Variants in STK24 observed in about 807,000 individuals in gnomAD.
STK24 encodes the protein serine/threonine kinase 24, also known as serine/threonine-protein kinase 24.
STK24 carries 21 observed loss-of-function variants against 55.6 expected under a neutral mutation model. The observed-to-expected ratio is 0.38, with a 90% CI of 0.27 to 0.54. The LOEUF (loss-of-function observed/expected upper bound fraction) is 0.54, where lower values mean the gene tolerates loss of function less well. STK24 is among the 20% of genes least tolerant of loss of function. The probability of loss-of-function intolerance (pLI) is 0.79; values close to 1 mark genes in which losing one functional copy is unlikely to be tolerated. For synonymous variants in STK24, 200 were observed against 215.2 expected (o/e 0.93, Z 0.62); for missense variants, 383 against 538.4 (o/e 0.71, Z 2.86).
At chr13:98,481,783 C>T (rs528449395) in intron 3 of STK24, among the ~76,000 whole-genome samples, 1 of 152,252 alleles carries the variant, frequency 6.6e-6, no homozygotes, top group Non-Finnish European at 1.5e-5. Flanking sequence ...AGCCACCGCA[C>T]CTGGCCTATA....
In STK24 at chr13:98,446,602, G is replaced by C; in HGVS notation, c.*6571C>G. On this transcript the variant is annotated 3_prime_UTR_variant, in exon 11 of 11. Coordinates refer to ENST00000539966, the MANE Select transcript of STK24 (RefSeq NM_001032296.4). ...CCAAGTCCCTGTCTGATGCGGGGCA[G>C]CAGCCAGGCCCAGCAGCAGAAGCTG... The C allele has an allele frequency of 6.5e-7, 1 of 1,546,394 alleles. No homozygotes were observed.
intron 2 of STK24, among the ~76,000 whole-genome samples, chr13:98,491,031 A>G (rs1004491762): frequency 2.6e-5 from 4 of 152,172 alleles, no homozygotes; most frequent in African/African-American, 9.7e-5. Flanking sequence ...CTGTCAGGCT[A>G]GGGTGGAGAG....
rs112203543 is a variant in STK24, at chr13:98,542,400, A to AC, written c.43-22928_43-22927insG. ...TGCACAAACAACAACAACAACAACA[A>AC]AAAAAACGGCCAATTGGTAGGTTCC... On this transcript the variant is annotated intron_variant, in intron 1 of 10. Coordinates refer to ENST00000539966, the MANE Select transcript of STK24 (RefSeq NM_001032296.4). Among the ~76,000 whole-genome samples, 491 of 152,112 alleles carry AC rather than the reference A, an allele frequency of 3.2e-3. 6 individuals carry two copies. Among genetic ancestry groups the AC allele is most frequent in the African/African-American group, 0.011 (468 of 41,502 alleles).
At chr13:98,455,509 G>A (rs1354221057) in intron 10 of STK24, 1 of 152,304 alleles carries the variant, frequency 6.6e-6, no homozygotes, top group Non-Finnish European at 1.5e-5. Context: ...CCAAAGCATT[G>A]GGATTACAGG....
chr13:98,496,840 G>C (rs1004338414), intron 2 of STK24, among the ~76,000 whole-genome samples: 6 of 152,192 alleles, frequency 3.9e-5, no homozygotes, highest in Non-Finnish European at 5.9e-5. Context: ...ACAGACATTT[G>C]CAAGTAACTC....
chr13:98,491,298 G>A (rs1176668978), intron 2 of STK24, among the ~76,000 whole-genome samples: 1 of 152,220 alleles, frequency 6.6e-6, no homozygotes, highest in African/African-American at 2.4e-5. Flanking sequence ...GCATGGGGTA[G>A]GGGGAGATCA....
intron 9 of STK24, among the ~76,000 whole-genome samples, chr13:98,458,852 GATATA>G (rs1276692388): frequency 2.0e-5 from 3 of 152,180 alleles, no homozygotes; most frequent in African/African-American, 7.2e-5. Flanking sequence ...TAAGCATGGG[GATATA>G]ATCCTTCTAC....
At chr13:98,485,695 C>G (rs1410321342) in intron 2 of STK24, among the ~76,000 whole-genome samples, 1 of 152,224 alleles carries the variant, frequency 6.6e-6, no homozygotes, top group Non-Finnish European at 1.5e-5. Flanking sequence ...CAGGAATGAA[C>G]AAGGACAGCT....
chr13:98,539,051 T>C (rs1896813294), intron 1 of STK24, among the ~76,000 whole-genome samples: 1 of 152,172 alleles, frequency 6.6e-6, no homozygotes, highest in South Asian at 2.1e-4. Context: ...AGACCTGACA[T>C]CCAGCTGTAC....
intron 1 of STK24, among the ~76,000 whole-genome samples, chr13:98,530,065 G>A (rs1379214290): frequency 6.6e-6 from 1 of 151,234 alleles, no homozygotes; most frequent in Non-Finnish European, 1.5e-5. Context: ...GAAGGCAAAA[G>A]GCACTGGCCC....
chr13:98,459,343 G>A (rs919290046), intron 9 of STK24, among the ~76,000 whole-genome samples: 6 of 152,228 alleles, frequency 3.9e-5, no homozygotes, highest in Non-Finnish European at 7.3e-5. Context: ...CAGCGGGCTC[G>A]GCTACTTCCC....
At position 98,479,593 on chromosome 13, in the gene STK24, C is replaced by T. The variant is rs562991125; in HGVS notation, c.330+2672G>A. ...GTCCTTCGCTCTGATACGTGGGGCCCGAGATTTATGTATATGCCATGTTGT... is the reference window on the plus strand; with the variant it reads ...GTCCTTCGCTCTGATACGTGGGGCCTGAGATTTATGTATATGCCATGTTGT... On this transcript the variant is annotated intron_variant, in intron 3 of 10. Transcript: ENST00000539966. Among the ~76,000 whole-genome samples the T allele has an allele frequency of 7.9e-5, 12 of 152,206 alleles. No individual in the cohort carries two copies. In the South Asian group the frequency reaches 1.9e-3, roughly 24 times the overall value.
chr13:98,513,591 A>G (rs1057399420), intron 2 of STK24, among the ~76,000 whole-genome samples: 4 of 152,216 alleles, frequency 2.6e-5, no homozygotes, highest in African/African-American at 9.6e-5. Flanking sequence ...CTCTGTTAAG[A>G]TCACAGAAGC....
intron 1 of STK24, among the ~76,000 whole-genome samples, chr13:98,555,447 C>T (rs1238623051): frequency 4.0e-5 from 6 of 151,856 alleles, no homozygotes; most frequent in South Asian, 4.2e-4. Flanking sequence ...GGCATGGTGG[C>T]GGGCGCCTGT....
At chr13:98,530,128 C>G (rs1381137621) in intron 1 of STK24, among the ~76,000 whole-genome samples, 1 of 152,100 alleles carries the variant, frequency 6.6e-6, no homozygotes, top group Non-Finnish European at 1.5e-5. Flanking sequence ...CACACACACA[C>G]ACAGAGCTGT....
In STK24 at chr13:98,446,878, A is replaced by T. The variant is rs1048822741; in HGVS notation, c.*6295T>A. 16 of 1,573,442 alleles carry T rather than the reference A, an allele frequency of 1.0e-5. No individual in the cohort carries two copies. In the East Asian group the frequency reaches 1.1e-4, roughly 11 times the overall value. On this transcript the variant is annotated 3_prime_UTR_variant, in exon 11 of 11. Coordinates refer to ENST00000539966, the MANE Select transcript of STK24 (RefSeq NM_001032296.4). ...AAGAGGACCCCCTCTTCCAAACATCAGGATTTCTCCCAAGTCAGCGAGTGA... is the reference window on the plus strand; with the variant it reads ...AAGAGGACCCCCTCTTCCAAACATCTGGATTTCTCCCAAGTCAGCGAGTGA...
intron 1 of STK24, among the ~76,000 whole-genome samples, chr13:98,522,284 G>A (rs536103558): frequency 1.3e-5 from 2 of 152,130 alleles, no homozygotes; most frequent in South Asian, 2.1e-4. Context: ...TCCCAGCCTG[G>A]GCCTCTACTC....
chr13:98,521,878 C>T (rs781503353), intron 1 of STK24: 7 of 849,212 alleles, frequency 8.2e-6, no homozygotes, highest in East Asian at 4.8e-5. Flanking sequence ...GATAAGGCTT[C>T]GTCAGTAACC....
intron 1 of STK24, among the ~76,000 whole-genome samples, chr13:98,563,018 T>C (rs1466653331): frequency 2.0e-5 from 3 of 151,066 alleles, no homozygotes; most frequent in South Asian, 2.1e-4. Flanking sequence ...TATTTGGGGG[T>C]TGGGAAGCTT....
Sources: allele counts gnomAD v4.1 joint callset (sites outside exome capture counted in the v4.1 genomes callset), GRCh38; gene constraint gnomAD v4.1.1; transcripts MANE v1.5; gene names NCBI Gene and HGNC (gene_info 2026-07-23, HGNC 2026-07-21).